The following RHOBTB3 variants were observed in gnomAD, a reference collection of about 807,000 sequenced individuals.
RHOBTB3 encodes rho-related BTB domain-containing protein 3.
Under a neutral mutation model 67.2 loss-of-function variants are expected in RHOBTB3, and 47 were observed. The observed-to-expected ratio is 0.70, with a 90% CI of 0.55 to 0.89. The LOEUF (loss-of-function observed/expected upper bound fraction) is 0.89, where lower values mean the gene tolerates loss of function less well. RHOBTB3 is among the 40% of genes least tolerant of loss of function. The probability of loss-of-function intolerance (pLI) is 0.00; values close to 1 mark genes in which losing one functional copy is unlikely to be tolerated. For missense variants in RHOBTB3, 631 were observed against 750.0 expected (o/e 0.84, Z 1.85); for synonymous variants, 273 against 274.2 (o/e 1.00, Z 0.04).
At chr5:95,753,127 ACT>A (rs1370553929) in intron 5 of RHOBTB3, among the ~76,000 whole-genome samples, 4 of 150,896 alleles carry the variant, frequency 2.7e-5, no homozygotes, top group South Asian at 2.1e-4. Flanking sequence ...ACAGAGCAAG[ACT>A]CTGTCTCAAA....
intron 6 of RHOBTB3, among the ~76,000 whole-genome samples, chr5:95,761,543 A>G (rs530528519): frequency 7.0e-4 from 106 of 152,158 alleles, no homozygotes; most frequent in African/African-American, 2.4e-3. Flanking sequence ...GGGTTTCCCC[A>G]TGTTGGCCAG....
At chr5:95,773,207 A>G (rs1745769172) in intron 8 of RHOBTB3, among the ~76,000 whole-genome samples, 1 of 152,092 alleles carries the variant, frequency 6.6e-6, no homozygotes, top group African/African-American at 2.4e-5. Flanking sequence ...CCATGATTCT[A>G]CCTACTGTAG....
At chr5:95,783,678 TG>T in intron 9 of RHOBTB3, 118 bp from the exon 10 acceptor site, 1 of 734,442 alleles carries the variant, frequency 1.4e-6, no homozygotes, top group Non-Finnish European at 2.2e-6. Context: ...TTCTATTCTA[TG>T]GTGGATGCTA....
Position 95,795,266 on chromosome 5 carries a change from C to A in RHOBTB3, c.*2092C>A, listed in dbSNP as rs1746536910. The A allele has an allele frequency of 6.6e-6, 1 of 152,134 alleles. No homozygotes were observed. The highest frequency in any genetic ancestry group is 2.1e-4 in the South Asian group (1 of 4,812). The allele number at this position is 152,134 out of a possible 1,614,324, so 9.4% of individuals were successfully genotyped here. ...ATCACTTGAGTTAATCAACCACTGG[C>A]AAATCCCATTTGACAAAGATTAGCA... is the stretch of plus-strand genomic sequence containing the variant. On this transcript the variant is annotated 3_prime_UTR_variant, in exon 12 of 12. Transcript: ENST00000379982.
intron 1 of RHOBTB3, among the ~76,000 whole-genome samples, chr5:95,718,691 C>T (rs1426639178): frequency 3.3e-5 from 5 of 152,088 alleles, no homozygotes; most frequent in African/African-American, 4.8e-5. Flanking sequence ...ATATGGGAAT[C>T]GAAAAATCAC....
chr5:95,736,032 G>A (rs948708155), intron 2 of RHOBTB3, among the ~76,000 whole-genome samples: 1 of 152,126 alleles, frequency 6.6e-6, no homozygotes, highest in Admixed American at 6.5e-5. Flanking sequence ...AACTTGGGAG[G>A]TGGAGGCTGC....
intron 8 of RHOBTB3, among the ~76,000 whole-genome samples, chr5:95,768,686 T>A (rs1395369668): frequency 6.6e-6 from 1 of 152,222 alleles, no homozygotes; most frequent in Non-Finnish European, 1.5e-5. Flanking sequence ...TTATTCCTCC[T>A]AGCACTCTGA....
At chr5:95,765,205 T>G (rs1745508190) in intron 7 of RHOBTB3, among the ~76,000 whole-genome samples, 1 of 152,242 alleles carries the variant, frequency 6.6e-6, no homozygotes, top group South Asian at 2.1e-4. Context: ...ATGTGTAATA[T>G]ACATCTATAA....
At chr5:95,775,421 TAC>T (rs1554068745) in intron 8 of RHOBTB3, among the ~76,000 whole-genome samples, 1 of 148,332 alleles carries the variant, frequency 6.7e-6, no homozygotes, top group Non-Finnish European at 1.5e-5. Context: ...TATATATATA[TAC>T]ACATATATAT....
At position 95,763,522 on chromosome 5, in the gene RHOBTB3, G is replaced by A; in HGVS notation, c.1063G>A (p.Glu355Lys). The change falls in exon 7 of 12, where the codon GAA (glutamate) becomes AAA (lysine). Residue 355 changes from glutamate to lysine, a missense_variant. Glu to Lys is a moderately conservative substitution (Grantham distance 56). Coordinates refer to ENST00000379982, the MANE Select transcript of RHOBTB3 (RefSeq NM_014899.4). The part of the protein sequence containing the change: ...RFIYSGAFQW[E>K]ELEEDIRKKL... ...TTTGTTTACAGGTGCTTTTCAGTGG[G>A]AAGAATTGGAAGAAGATATCAGGAA... 5 of 1,609,844 alleles carry A rather than the reference G, an allele frequency of 3.1e-6. No individual in the cohort carries two copies. In the Middle Eastern group the frequency reaches 8.3e-4, roughly 266 times the overall value.
At chr5:95,728,089 T>C, upstream of RHOBTB3, among the ~76,000 whole-genome samples, 1 of 152,244 alleles carries the variant, frequency 6.6e-6, no homozygotes, top group East Asian at 1.9e-4. Context: ...GAACTAATCA[T>C]GTGGCCCTAC....
chr5:95,743,657 C>G (rs1352189439), intron 3 of RHOBTB3, among the ~76,000 whole-genome samples: 2 of 148,574 alleles, frequency 1.3e-5, no homozygotes, highest in South Asian at 4.3e-4. Context: ...TTCTCCTTCC[C>G]CCTTCCTTCT....
At chr5:95,731,152 G>A, upstream of RHOBTB3, 3 of 1,017,680 alleles carry the variant, frequency 2.9e-6, no homozygotes, top group South Asian at 3.4e-5. Flanking sequence ...GCCCCGCGCG[G>A]GCGGCTCCTT....
upstream of RHOBTB3, among the ~76,000 whole-genome samples, chr5:95,729,841 A>C (rs1755168431): frequency 6.6e-6 from 1 of 152,244 alleles, no homozygotes; most frequent in Non-Finnish European, 1.5e-5. Context: ...TAGTTTATGA[A>C]GGAATTTTCT....
At chr5:95,741,095 G>A (rs1304344724) in intron 3 of RHOBTB3, among the ~76,000 whole-genome samples, 3 of 152,048 alleles carry the variant, frequency 2.0e-5, no homozygotes, top group Non-Finnish European at 2.9e-5. Context: ...TTGGGAGGCC[G>A]ACGCGGGTGG....
At chr5:95,730,396 T>A (rs1580387996), upstream of RHOBTB3, among the ~76,000 whole-genome samples, 4 of 152,204 alleles carry the variant, frequency 2.6e-5, no homozygotes, top group South Asian at 8.3e-4. Context: ...CCCAGAGTAA[T>A]CCCTGGCCCA....
intron 3 of RHOBTB3, among the ~76,000 whole-genome samples, chr5:95,743,970 A>G (rs1443270959): frequency 6.8e-6 from 1 of 147,992 alleles, no homozygotes; most frequent in Admixed American, 6.8e-5. Context: ...CAGCCTCCCA[A>G]AGTGCTGGGA....
At chr5:95,735,994 C>T (rs564987649) in intron 2 of RHOBTB3, among the ~76,000 whole-genome samples, 10 of 152,120 alleles carry the variant, frequency 6.6e-5, no homozygotes, top group Admixed American at 4.6e-4. Context: ...CCCAGCTACT[C>T]GGGAGGCTGA....
chr5:95,719,071 G>A (rs1292031966), intron 1 of RHOBTB3, among the ~76,000 whole-genome samples: 1 of 152,162 alleles, frequency 6.6e-6, no homozygotes, highest in Non-Finnish European at 1.5e-5. Context: ...CTGAGATGTT[G>A]AGGAGTTCAT....
Sources: allele counts gnomAD v4.1 joint callset (sites outside exome capture counted in the v4.1 genomes callset), GRCh38; gene constraint gnomAD v4.1.1; transcripts MANE v1.5; gene names NCBI Gene and HGNC (gene_info 2026-07-23, HGNC 2026-07-21).